GABRG3: variants seen among roughly 807,000 people sequenced by gnomAD.
GABRG3 encodes the protein gamma-aminobutyric acid receptor subunit gamma-3.
A neutral mutation model predicts 48.8 loss-of-function variants in GABRG3; 25 were observed. The ratio of observed to expected loss-of-function variants is 0.51; its 90% CI spans 0.37 to 0.72. The LOEUF is 0.72. GABRG3 is among the 30% of genes least tolerant of loss of function. The pLI, the probability that GABRG3 is intolerant of heterozygous loss-of-function variation, is 0.00. For synonymous variants in GABRG3, 227 were observed against 217.6 expected (o/e 1.04, Z -0.38); for missense variants, 394 against 577.9 (o/e 0.68, Z 3.26).
intron 2 of GABRG3, among the ~76,000 whole-genome samples, chr15:27,011,231 A>ACT (rs1895680454): frequency 6.6e-6 from 1 of 151,872 alleles, no homozygotes; most frequent in Non-Finnish European, 1.5e-5. Flanking sequence ...CAATTCTGCA[A>ACT]CTCTCTTAGG....
chr15:27,439,852 T>C (rs1468063481), intron 5 of GABRG3, among the ~76,000 whole-genome samples: 3 of 152,170 alleles, frequency 2.0e-5, no homozygotes, highest in Non-Finnish European at 2.9e-5. Flanking sequence ...CATTTAGGGG[T>C]AGACGGCACC....
At chr15:27,332,437 G>C (rs1029746445) in intron 5 of GABRG3, among the ~76,000 whole-genome samples, 1 of 152,174 alleles carries the variant, frequency 6.6e-6, no homozygotes. Flanking sequence ...GGGAGGCTGA[G>C]GCAGAAGAAT....
chr15:27,296,927 A>T (rs1213987986), intron 3 of GABRG3, among the ~76,000 whole-genome samples: 1 of 151,686 alleles, frequency 6.6e-6, no homozygotes, highest in Non-Finnish European at 1.5e-5. Flanking sequence ...TTATCGTAGG[A>T]GATGACGGCT....
chr15:27,520,394 A>C (rs2150862267), intron 7 of GABRG3, among the ~76,000 whole-genome samples: 1 of 152,024 alleles, frequency 6.6e-6, no homozygotes, highest in Admixed American at 6.5e-5. Flanking sequence ...TGATATGATC[A>C]CAAAAACACA....
Position 26,976,988 on chromosome 15 carries a change from T to C in GABRG3, c.54-14T>C, listed in dbSNP as rs751878177. ...CTGCCACTTATATGTCGCATTTTTG[T>C]GCTGTAACTCCAGGTCCAGAAAGGT... On this transcript the variant is annotated splice_polypyrimidine_tract_variant and intron_variant, in intron 1 of 9. Transcript: ENST00000615808. The surrounding 1 kb of genome is among the most constrained non-coding windows in gnomAD (Gnocchi z 7.8). The C allele has an allele frequency of 1.9e-6, 3 of 1,613,692 alleles. No individual in the cohort carries two copies. The African/African-American group carries it at 4.0e-5, about 22-fold the overall frequency.
chr15:26,973,952 A>G (rs1462364986), intron 1 of GABRG3, among the ~76,000 whole-genome samples: 2 of 152,228 alleles, frequency 1.3e-5, no homozygotes, highest in Non-Finnish European at 2.9e-5. Context: ...CTTAGAATTT[A>G]GGGAAAAGAG....
At chr15:27,315,578 T>C (rs1893185421) in intron 3 of GABRG3, among the ~76,000 whole-genome samples, 1 of 152,224 alleles carries the variant, frequency 6.6e-6, no homozygotes, top group Non-Finnish European at 1.5e-5. Flanking sequence ...AATTGGACCT[T>C]GGCAAATTGG....
Position 27,036,613 on chromosome 15 carries a change from C to T in GABRG3, c.270+9792C>T, listed in dbSNP as rs529409309. Among the ~76,000 whole-genome samples the T allele has an allele frequency of 2.6e-5, 4 of 152,108 alleles. No individual in the cohort carries two copies. In the South Asian group the frequency reaches 8.3e-4, roughly 32 times the overall value. ...GCTGAGGCAGGAGAATCGCTTGAAC[C>T]TGGGAGGCAGAGGTTGCAGTGAGCT... On this transcript the variant is annotated intron_variant, in intron 3 of 9. Coordinates refer to ENST00000615808, the MANE Select transcript of GABRG3 (RefSeq NM_033223.5).
chr15:27,481,061 A>G (rs999565370), intron 6 of GABRG3: 8 of 1,216,430 alleles, frequency 6.6e-6, no homozygotes, highest in Non-Finnish European at 8.2e-6. Context: ...TACTGACCAT[A>G]TTTACATAAA....
chr15:27,045,230 G>A (rs757724391), intron 3 of GABRG3, among the ~76,000 whole-genome samples: 2 of 152,204 alleles, frequency 1.3e-5, no homozygotes, highest in Admixed American at 6.5e-5. Context: ...AGCCCAGAGG[G>A]CTGAGCAGAG....
chr15:27,504,401 T>G (rs1890714927), intron 6 of GABRG3, among the ~76,000 whole-genome samples: 2 of 152,180 alleles, frequency 1.3e-5, no homozygotes. Flanking sequence ...AGCAGTTTAT[T>G]TTAGAGCTTA....
intron 3 of GABRG3, among the ~76,000 whole-genome samples, chr15:27,230,806 A>G (rs1889771536): frequency 6.6e-6 from 1 of 152,148 alleles, no homozygotes; most frequent in Admixed American, 6.5e-5. Context: ...CAGAAAAAAA[A>G]ATTAAGTGTC....
intron 3 of GABRG3, among the ~76,000 whole-genome samples, chr15:27,194,189 C>T (rs897194008): frequency 1.3e-5 from 2 of 152,254 alleles, no homozygotes; most frequent in Non-Finnish European, 2.9e-5. Context: ...ATTTAGTTCC[C>T]TAGTTTCTCC....
intron 3 of GABRG3, among the ~76,000 whole-genome samples, chr15:27,065,181 C>T (rs1896716820): frequency 6.6e-6 from 1 of 152,150 alleles, no homozygotes; most frequent in African/African-American, 2.4e-5. Context: ...CTACTTTTTA[C>T]TCACCATAAC....
intron 5 of GABRG3, among the ~76,000 whole-genome samples, chr15:27,441,892 A>G (rs1888797464): frequency 6.6e-6 from 1 of 152,156 alleles, no homozygotes; most frequent in Non-Finnish European, 1.5e-5. Flanking sequence ...AAGGTTTGCT[A>G]CTTCAGGATT....
chr15:27,304,234 T>TA (rs1422102664), intron 3 of GABRG3, among the ~76,000 whole-genome samples: 1 of 151,434 alleles, frequency 6.6e-6, no homozygotes, highest in Non-Finnish European at 1.5e-5. Context: ...AAGAAGAAAA[T>TA]AAAAAGTGTA....
chr15:27,235,243 T>TAGTC (rs1432441513), intron 3 of GABRG3, among the ~76,000 whole-genome samples: 4 of 151,154 alleles, frequency 2.6e-5, no homozygotes, highest in Non-Finnish European at 5.9e-5. Flanking sequence ...GAAAAAGGTG[T>TAGTC]AGTCAGTATA....
intron 5 of GABRG3, among the ~76,000 whole-genome samples, chr15:27,367,041 A>G (rs566842779): frequency 6.6e-6 from 1 of 152,264 alleles, no homozygotes; most frequent in South Asian, 2.1e-4. Context: ...AGGAGGCCCC[A>G]GTGTGTCCCT....
At chr15:27,518,523 T>C (rs1054621073) in intron 6 of GABRG3, among the ~76,000 whole-genome samples, 2 of 152,208 alleles carry the variant, frequency 1.3e-5, no homozygotes, top group Admixed American at 6.5e-5. Flanking sequence ...CCAGTAATTA[T>C]AGAAACAAAT....
Sources: gnomAD v4.1 joint callset for allele counts (sites outside exome capture counted in the v4.1 genomes callset) on GRCh38, gnomAD v4.1.1 for gene constraint, Gnocchi (gnomAD v3.1) non-coding constraint, MANE v1.5 for transcripts, NCBI Gene and HGNC (gene_info 2026-07-23, HGNC 2026-07-21) for gene names.